The following TCF12 variants were observed in gnomAD, a reference collection of about 807,000 sequenced individuals.
TCF12 encodes transcription factor 12.
Under a neutral mutation model 86.0 loss-of-function variants are expected in TCF12, and 45 were observed. That is an observed-to-expected ratio of 0.52 (90% confidence interval 0.41 to 0.67). The LOEUF is 0.67. TCF12 is among the 30% of genes least tolerant of loss of function. The probability of loss-of-function intolerance (pLI) is 0.00; values close to 1 mark genes in which losing one functional copy is unlikely to be tolerated. For synonymous variants in TCF12, 330 were observed against 299.6 expected (o/e 1.10, Z -1.05); for missense variants, 881 against 859.9 (o/e 1.02, Z -0.31).
chr15:57,255,504 G>A (rs2060306006), intron 16 of TCF12, among the ~76,000 whole-genome samples: 1 of 152,142 alleles, frequency 6.6e-6, no homozygotes, highest in Admixed American at 6.5e-5. Flanking sequence ...TGCTTTTAGA[G>A]ATGGAGTCTC....
chr15:57,051,512 T>C (rs1311530529), intron 3 of TCF12, among the ~76,000 whole-genome samples: 3 of 152,016 alleles, frequency 2.0e-5, no homozygotes, highest in Non-Finnish European at 4.4e-5. Context: ...TAAGTAGAGA[T>C]GAGTTCTTGC....
chr15:57,044,589 C>G (rs2067108963), intron 3 of TCF12, among the ~76,000 whole-genome samples: 1 of 151,684 alleles, frequency 6.6e-6, no homozygotes, highest in Non-Finnish European at 1.5e-5. Context: ...TTTTTCTTTT[C>G]TAACTATTGT....
At chr15:57,207,468 T>G (rs1448171495) in intron 8 of TCF12, among the ~76,000 whole-genome samples, 4 of 152,096 alleles carry the variant, frequency 2.6e-5, no homozygotes, top group Non-Finnish European at 5.9e-5. Context: ...GTCAGGAGTT[T>G]GAGGCCAGTC....
At chr15:57,077,342 T>A (rs1352158040) in intron 4 of TCF12, among the ~76,000 whole-genome samples, 1 of 36,368 alleles carries the variant, frequency 2.7e-5, no homozygotes, top group African/African-American at 7.8e-5. Context: ...TGTGTGTGTG[T>A]GTGTGTGTGT....
At chr15:57,157,304 C>T (rs771231898) in intron 5 of TCF12, among the ~76,000 whole-genome samples, 2 of 151,794 alleles carry the variant, frequency 1.3e-5, no homozygotes, top group Non-Finnish European at 2.9e-5. Flanking sequence ...AACAGCTCCC[C>T]TAGTTCTGTA....
intron 3 of TCF12, among the ~76,000 whole-genome samples, chr15:56,982,846 A>G (rs1221620939): frequency 6.6e-6 from 1 of 152,212 alleles, no homozygotes; most frequent in African/African-American, 2.4e-5. Flanking sequence ...CTTACCATAC[A>G]TTATCTGATT....
chr15:57,237,799 A>G (rs8024830), intron 12 of TCF12, among the ~76,000 whole-genome samples: 28,227 of 152,146 alleles, frequency 0.19, 3,156 homozygotes, highest in Non-Finnish European at 0.25. Context: ...AAGTAGCACA[A>G]TTTTTATAGA....
At chr15:56,925,305 T>C (rs2059960870) in intron 3 of TCF12, among the ~76,000 whole-genome samples, 1 of 133,416 alleles carries the variant, frequency 7.5e-6, no homozygotes, top group Non-Finnish European at 1.6e-5. Context: ...AACAATTTGA[T>C]TAGATCACAA....
chr15:57,102,637 G>C (rs887424199), intron 5 of TCF12, among the ~76,000 whole-genome samples: 1 of 151,858 alleles, frequency 6.6e-6, no homozygotes. Flanking sequence ...AAATTTTATG[G>C]AAAGTACCAG....
chr15:57,020,200 G>T (rs570927597), intron 3 of TCF12, among the ~76,000 whole-genome samples: 1 of 152,216 alleles, frequency 6.6e-6, no homozygotes, highest in Non-Finnish European at 1.5e-5. Flanking sequence ...TCTAGGACAT[G>T]TGTGCCTTAT....
chr15:57,208,749 C>G (rs370432852), intron 8 of TCF12, among the ~76,000 whole-genome samples: 5 of 151,020 alleles, frequency 3.3e-5, no homozygotes, highest in African/African-American at 1.2e-4. Context: ...AGTCTGTGGT[C>G]CAGGCTGGAG....
chr15:57,042,182 G>C lies in TCF12; in HGVS notation c.149-21568G>C, dbSNP rs372273022. 3.0e-3 allele frequency among the ~76,000 whole-genome samples: 450 copies of C among 152,012 alleles called. 3 individuals are homozygous for C. The highest frequency in any genetic ancestry group is 0.011 in the African/African-American group (444 of 41,442). ...TGCCCAGGCTGGAGTGCAGTGGCACGATCTCAGCTCACTGCAACCTCTGCC... is the reference window on the plus strand; with the variant it reads ...TGCCCAGGCTGGAGTGCAGTGGCACCATCTCAGCTCACTGCAACCTCTGCC... On this transcript the variant is annotated intron_variant, in intron 3 of 20. Coordinates refer to ENST00000333725, the MANE Select transcript of TCF12 (RefSeq NM_207037.2).
rs139530756 is a variant in TCF12 at position 57,225,220 on chromosome 15, C to CTTTTTT, written c.580-5906_580-5901dup. Among the ~76,000 whole-genome samples the CTTTTTT allele has an allele frequency of 1.7e-3, 66 of 39,768 alleles. 15 individuals carry two copies. The highest frequency in any genetic ancestry group is 4.4e-3 in the African/African-American group (42 of 9,654). The allele number at this position is 39,768 out of a possible 152,430, so 26.1% of individuals were successfully genotyped here. On this transcript the variant is annotated intron_variant, in intron 8 of 20. Coordinates refer to ENST00000333725, the MANE Select transcript of TCF12 (RefSeq NM_207037.2). ...TTACCATTTAGGTTACTGATATATG[C>CTTTTTT]TTTTTTTTTTTTTTTTTTTTTTTTT...
At chr15:57,232,897 G>A in intron 11 of TCF12, 41 bp downstream of exon 11, 1 of 1,456,672 alleles carries the variant, frequency 6.9e-7, no homozygotes, top group Non-Finnish European at 9.1e-7. Flanking sequence ...AAAGTTTGTG[G>A]ACTTTCAGTG....
In TCF12 at chr15:57,231,345, T is replaced by C. The variant is rs1361432474; in HGVS notation, c.685+88T>C. The C allele has an allele frequency of 1.5e-5, 15 of 982,944 alleles. No homozygotes were observed. In the African/African-American group the frequency reaches 2.1e-4, roughly 14 times the overall value. The allele number at this position is 982,944 out of a possible 1,614,324, so 60.9% of individuals were successfully genotyped here. On this transcript the variant is annotated intron_variant, in intron 9 of 20. Coordinates refer to ENST00000333725, the MANE Select transcript of TCF12 (RefSeq NM_207037.2). ...AAAGTATTAGGAAAGAGAATACCTA[T>C]ATTCAGGCCTTATTTAGGCATTTTT...
chr15:56,939,050 C>G (rs1166270267), intron 3 of TCF12, among the ~76,000 whole-genome samples: 1 of 152,188 alleles, frequency 6.6e-6, no homozygotes, highest in Admixed American at 6.5e-5. Flanking sequence ...CTCTCCTCAC[C>G]TGACCTCCTA....
intron 3 of TCF12, among the ~76,000 whole-genome samples, chr15:56,931,807 A>G (rs1171759320): frequency 1.3e-5 from 2 of 152,176 alleles, no homozygotes; most frequent in African/African-American, 2.4e-5. Context: ...TGTGTAATAA[A>G]CTAGTTTGCT....
rs530754777 is a variant in TCF12, at chr15:57,006,887, G to A, written c.149-56863G>A. On this transcript the variant is annotated intron_variant, in intron 3 of 20. Coordinates refer to ENST00000333725, the MANE Select transcript of TCF12 (RefSeq NM_207037.2). ...GCCGAGATCGCACCACTGCACTTCAGCATGGGTGACAGAGTGAGACCTCAT... is the reference window on the plus strand; with the variant it reads ...GCCGAGATCGCACCACTGCACTTCAACATGGGTGACAGAGTGAGACCTCAT... Among the ~76,000 whole-genome samples the A allele has an allele frequency of 3.2e-4, 48 of 152,270 alleles. No homozygotes were observed. The South Asian group carries it at 6.8e-3, about 22-fold the overall frequency.
chr15:57,104,866 T>G (rs111499643), intron 5 of TCF12, among the ~76,000 whole-genome samples: 67 of 130,654 alleles, frequency 5.1e-4, no homozygotes, highest in African/African-American at 1.9e-3. Context: ...GTGGTGTTTT[T>G]TTTTTTTTTT....
Sources: gnomAD v4.1 joint callset for allele counts (sites outside exome capture counted in the v4.1 genomes callset) on GRCh38, gnomAD v4.1.1 for gene constraint, MANE v1.5 for transcripts, NCBI Gene and HGNC (gene_info 2026-07-23, HGNC 2026-07-21) for gene names.